Variants in GYPE observed in about 807,000 individuals in gnomAD.
GYPE encodes the protein glycophorin E (MNS blood group).
A neutral mutation model predicts 11.6 loss-of-function variants in GYPE; 8 were observed. The observed-to-expected ratio is 0.69, with a 90% CI of 0.41 to 1.25. The LOEUF (loss-of-function observed/expected upper bound fraction) is 1.25. Ranked by LOEUF, GYPE falls within the 50% of genes most tolerant of loss-of-function variation. GYPE has a pLI of 0.01. For synonymous variants in GYPE, 28 were observed against 29.6 expected (o/e 0.94, Z 0.18); for missense variants, 90 against 92.8 (o/e 0.97, Z 0.12).
intron 1 of GYPE, among the ~76,000 whole-genome samples, chr4:143,883,733 AATGAATG>A (rs1191988705): frequency 6.6e-6 from 1 of 150,916 alleles, no homozygotes; most frequent in Non-Finnish European, 1.5e-5. Context: ...GCACATGCAG[AATGAATG>A]CAAGCATCTG....
chr4:143,876,694 C>A (rs575367222), intron 3 of GYPE, 52 bp downstream of exon 3: 1 of 868,774 alleles, frequency 1.2e-6, no homozygotes, highest in Admixed American at 2.0e-5. Context: ...ATAAACCCTC[C>A]GAGAGCTGTT....
chr4:143,881,277 A>T (rs1230391289), intron 1 of GYPE, among the ~76,000 whole-genome samples: 1 of 151,850 alleles, frequency 6.6e-6, no homozygotes, highest in African/African-American at 2.4e-5. Context: ...ATAAATTGTG[A>T]ATTATTTCTG....
chr4:143,895,804 C>A (rs1744606545), intron 1 of GYPE, among the ~76,000 whole-genome samples: 1 of 151,900 alleles, frequency 6.6e-6, no homozygotes. Flanking sequence ...GGTACCAAAA[C>A]AGAGATATAG....
At chr4:143,903,524 C>CAAAAAAAA (rs11400558) in intron 1 of GYPE, among the ~76,000 whole-genome samples, 31 of 98,808 alleles carry the variant, frequency 3.1e-4, no homozygotes, top group Middle Eastern at 7.5e-3. Context: ...TTTTTCATAG[C>CAAAAAAAA]AAAAAAAAAA....
chr4:143,876,128 T>A (rs1232409894), intron 3 of GYPE, among the ~76,000 whole-genome samples: 1 of 152,082 alleles, frequency 6.6e-6, no homozygotes, highest in Non-Finnish European at 1.5e-5. Context: ...TTTATTTATA[T>A]ATTTATTGAG....
intron 1 of GYPE, among the ~76,000 whole-genome samples, chr4:143,897,171 A>G (rs1257654089): frequency 6.6e-6 from 1 of 152,178 alleles, no homozygotes; most frequent in African/African-American, 2.4e-5. Flanking sequence ...AATAAAAAAA[A>G]TTAAGTTGTA....
Position 143,891,319 on chromosome 4 carries a change from T to A in GYPE, c.38-10810A>T, listed in dbSNP as rs1378663293. Among the ~76,000 whole-genome samples, 7 of 14,972 alleles carry A rather than the reference T, an allele frequency of 4.7e-4. No homozygotes were observed. The East Asian group carries it at 0.19, about 401-fold the overall frequency. 9.8% of individuals were successfully genotyped at this position (14,972 alleles called of 152,430 possible). ...ACATGTTATTATTATTATTTTGATT[T>A]TTTTTGTTTCTTTTTTTTTTTTTTT... On this transcript the variant is annotated intron_variant, in intron 1 of 3. Coordinates refer to ENST00000358615, the MANE Select transcript of GYPE (RefSeq NM_198682.3).
At position 143,876,769 on chromosome 4, in the gene GYPE, A is replaced by G. The variant is rs769560748; in HGVS notation, c.223T>C (p.Tyr75His). Residue 75 changes from tyrosine to histidine, a missense_variant, in exon 3 of 4, where the codon TAC becomes CAC. Coordinates refer to ENST00000358615, the MANE Select transcript of GYPE (RefSeq NM_198682.3). ...ACCTTTATCAGTCATCGAATACAGTAAGAAATTAAGATGATCATTCCAACA... is the reference window on the plus strand; with the variant it reads ...ACCTTTATCAGTCATCGAATACAGTGAGAAATTAAGATGATCATTCCAACA... ...VVVGMIILIS[Y>H]CIR 8.1e-6 allele frequency: 13 copies of G among 1,598,404 alleles called. No individual in the cohort carries two copies. The highest frequency in any genetic ancestry group is 7.7e-6 in the Non-Finnish European group (9 of 1,166,602).
At chr4:143,876,273 C>G (rs1743805851) in intron 3 of GYPE, among the ~76,000 whole-genome samples, 1 of 152,084 alleles carries the variant, frequency 6.6e-6, no homozygotes, top group Admixed American at 6.6e-5. Flanking sequence ...ACCACCACGC[C>G]TTTCTAATTT....
chr4:143,902,456 G>A (rs1744903346), intron 1 of GYPE, among the ~76,000 whole-genome samples: 1 of 151,866 alleles, frequency 6.6e-6, no homozygotes, highest in South Asian at 2.1e-4. Flanking sequence ...CTGTCTATGC[G>A]GAGCACTCAC....
At chr4:143,897,594 G>T (rs1432630779) in intron 1 of GYPE, among the ~76,000 whole-genome samples, 1 of 152,170 alleles carries the variant, frequency 6.6e-6, no homozygotes, top group Non-Finnish European at 1.5e-5. Flanking sequence ...TGTGCTGTGA[G>T]TTGTAGTGCA....
At chr4:143,901,269 T>C (rs10032768) in intron 1 of GYPE, among the ~76,000 whole-genome samples, 142,663 of 152,184 alleles carry the variant, frequency 0.94, 67,619 homozygotes, top group East Asian at 1. Flanking sequence ...ATAAATTGTA[T>C]AGTCATAGTC....
chr4:143,894,850 A>G (rs1443617295), intron 1 of GYPE, among the ~76,000 whole-genome samples: 5 of 152,094 alleles, frequency 3.3e-5, no homozygotes, highest in Admixed American at 6.5e-5. Context: ...CTGGTTCAAT[A>G]TACGCAAATC....
chr4:143,889,860 A>AG (rs1167140525), intron 1 of GYPE, among the ~76,000 whole-genome samples: 2 of 152,194 alleles, frequency 1.3e-5, no homozygotes, highest in Non-Finnish European at 2.9e-5. Context: ...GGAAAAAAAA[A>AG]CATCAGAAAC....
At position 143,872,041 on chromosome 4, in the gene GYPE, C is replaced by T. The variant is rs1224055388; in HGVS notation, c.*221G>A. 1.3e-5 allele frequency: 2 copies of T among 152,298 alleles called. No individual in the cohort carries two copies. The highest frequency in any genetic ancestry group is 2.4e-5 in the African/African-American group (1 of 41,412). 9.4% of individuals were successfully genotyped at this position (152,298 alleles called of 1,614,324 possible). A position where few individuals can be genotyped will look rare whatever the true frequency, so the allele number is the denominator to read the frequency against. ...TCGGGCAGAACTGGAGTTTAATCCTCATGTCATGGTAAGGCCCTCTGAAAT... is the reference window on the plus strand; with the variant it reads ...TCGGGCAGAACTGGAGTTTAATCCTTATGTCATGGTAAGGCCCTCTGAAAT... On this transcript the variant is annotated 3_prime_UTR_variant, in exon 4 of 4. Transcript: ENST00000358615.
rs1010932990 is a variant in GYPE at position 143,871,093 on chromosome 4, A to G, written c.*1169T>C. The stretch of plus-strand genomic sequence containing the variant: ...GAATAGCACAGGGGAAACCACCGCA[A>G]TGATTCAAGTACCTCCCACTGGGTT... On this transcript the variant is annotated 3_prime_UTR_variant, in exon 4 of 4. Transcript: ENST00000358615. 33 of 149,822 alleles carry G rather than the reference A, an allele frequency of 2.2e-4. No individual in the cohort carries two copies. Among genetic ancestry groups the G allele is most frequent in the Non-Finnish European group, 2.6e-4 (18 of 67,996 alleles). The allele number at this position is 149,822 out of a possible 1,614,324, so 9.3% of individuals were successfully genotyped here. A position where few individuals can be genotyped will look rare whatever the true frequency, so the allele number is the denominator to read the frequency against.
intron 1 of GYPE, among the ~76,000 whole-genome samples, chr4:143,905,254 C>G (rs1838522): frequency 0.24 from 36,930 of 152,046 alleles, 5,528 homozygotes; most frequent in South Asian, 0.32. Context: ...GCTTCTCATA[C>G]TAGAAAACTG....
intron 1 of GYPE, among the ~76,000 whole-genome samples, chr4:143,900,042 T>C (rs1744801516): frequency 7.2e-6 from 1 of 139,602 alleles, no homozygotes; most frequent in African/African-American, 2.6e-5. Context: ...TTGCAAATAG[T>C]ATATCGGATA....
In GYPE at chr4:143,898,993, A is replaced by G. The variant is rs536120364; in HGVS notation, c.37+6478T>C. 8.2e-3 allele frequency among the ~76,000 whole-genome samples: 1,163 copies of G among 142,300 alleles called. 16 individuals are homozygous for G. The highest frequency in any genetic ancestry group is 0.029 in the African/African-American group (1,101 of 37,748). 93.4% of individuals were successfully genotyped at this position (142,300 alleles called of 152,430 possible). ...TATTTCCTTCTATTTTGGTTTTAAA[A>G]AATATAATGATGACTGGGAAATAAG... On this transcript the variant is annotated intron_variant, in intron 1 of 3. Transcript: ENST00000358615.
Sources: allele counts gnomAD v4.1 joint callset (sites outside exome capture counted in the v4.1 genomes callset), GRCh38; gene constraint gnomAD v4.1.1; transcripts MANE v1.5; gene names NCBI Gene and HGNC (gene_info 2026-07-23, HGNC 2026-07-21).